The following CDH17 variants were observed in gnomAD, a reference collection of about 807,000 sequenced individuals.
The protein encoded by CDH17 is cadherin 17.
A neutral mutation model predicts 86.3 loss-of-function variants in CDH17; 67 were observed. The observed-to-expected ratio is 0.78, with a 90% CI of 0.64 to 0.95. CDH17 has a LOEUF of 0.95. Ranked by LOEUF, CDH17 falls within the 40% of genes least tolerant of loss-of-function variation. The pLI is 0.00. For missense variants in CDH17, 993 were observed against 1,017.6 expected (o/e 0.98, Z 0.33); for synonymous variants, 367 against 366.4 (o/e 1.00, Z -0.02).
At chr8:94,194,814 G>C in intron 1 of CDH17, 109 bp from the exon 2 acceptor site, 6 of 649,324 alleles carry the variant, frequency 9.2e-6, no homozygotes, top group Non-Finnish European at 1.6e-5. Context: ...CTAGTAAAAT[G>C]GTATCCCAAA....
At chr8:94,205,776 A>G (rs1368807257) in intron 1 of CDH17, among the ~76,000 whole-genome samples, 6 of 152,190 alleles carry the variant, frequency 3.9e-5, no homozygotes, top group Non-Finnish European at 8.8e-5. Flanking sequence ...ACTTTGGACA[A>G]CTTACTTGAA....
At chr8:94,140,089 C>A (rs1812608617) in intron 15 of CDH17, among the ~76,000 whole-genome samples, 1 of 152,004 alleles carries the variant, frequency 6.6e-6, no homozygotes, top group African/African-American at 2.4e-5. Context: ...CTAAATAACA[C>A]ATAATCACAA....
chr8:94,142,027 T>TGATGAAA (rs1158081428), intron 15 of CDH17, among the ~76,000 whole-genome samples: 13 of 152,194 alleles, frequency 8.5e-5, no homozygotes, highest in African/African-American at 3.1e-4. Flanking sequence ...ACAGAAAAAT[T>TGATGAAA]CAGAAATAGA....
chr8:94,195,910 G>A (rs1362253139), intron 1 of CDH17, among the ~76,000 whole-genome samples: 2 of 152,072 alleles, frequency 1.3e-5, no homozygotes, highest in African/African-American at 4.8e-5. Context: ...ACAGGCGCCT[G>A]CCACCACGCC....
At chr8:94,213,412 AC>A (rs1410191874), upstream of CDH17, among the ~76,000 whole-genome samples, 2 of 152,124 alleles carry the variant, frequency 1.3e-5, no homozygotes, top group African/African-American at 4.8e-5. Context: ...ACCATGTAGA[AC>A]CCATTTCTGC....
At chr8:94,188,813 C>T (rs1014339979) in intron 3 of CDH17, among the ~76,000 whole-genome samples, 1 of 152,148 alleles carries the variant, frequency 6.6e-6, no homozygotes, top group Non-Finnish European at 1.5e-5. Flanking sequence ...CCAGAGAAGC[C>T]GTATCTTCCA....
intron 2 of CDH17, 141 bp from the exon 3 acceptor site, chr8:94,189,426 A>G: frequency 1.6e-6 from 1 of 630,794 alleles, no homozygotes; most frequent in Admixed American, 3.3e-5. Flanking sequence ...GAAAGAGTGT[A>G]ATAGCTGTTG....
intron 1 of CDH17, among the ~76,000 whole-genome samples, chr8:94,205,850 C>T (rs1379037625): frequency 6.6e-6 from 1 of 152,058 alleles, no homozygotes; most frequent in Non-Finnish European, 1.5e-5. Flanking sequence ...ATGCTTAGAG[C>T]GCTTGAGGAA....
intron 12 of CDH17, among the ~76,000 whole-genome samples, chr8:94,153,687 T>TAC (rs1175471653): frequency 9.2e-5 from 14 of 152,164 alleles, no homozygotes; most frequent in African/African-American, 3.1e-4. Context: ...CATATATATA[T>TAC]ACACACACAC....
At chr8:94,188,909 C>G (rs1210697628) in intron 3 of CDH17, among the ~76,000 whole-genome samples, 1 of 152,122 alleles carries the variant, frequency 6.6e-6, no homozygotes, top group African/African-American at 2.4e-5. Flanking sequence ...CCTTTCTACT[C>G]TAGGGGAGAG....
At position 94,199,038 on chromosome 8, in the gene CDH17, GATATATATATATATATAT is replaced by G. The variant is rs869128612; in HGVS notation, c.-20-4351_-20-4334del. Reference sequence around the variant, plus strand: ...CTTCCTCTCAGAGCCAGTTCTGATTGATATATATATATATATATATATATATATATATATATATATATA... The same window carrying G: ...CTTCCTCTCAGAGCCAGTTCTGATTGATATATATATATATATATATATATA... On this transcript the variant is annotated intron_variant, in intron 1 of 17. Coordinates refer to ENST00000027335, the MANE Select transcript of CDH17 (RefSeq NM_004063.4). Among the ~76,000 whole-genome samples, 236 of 73,366 alleles carry G rather than the reference GATATATATATATATATAT, an allele frequency of 3.2e-3. 3 individuals carry two copies. Among genetic ancestry groups the G allele is most frequent in the African/African-American group, 7.8e-3 (115 of 14,804 alleles). The allele number at this position is 73,366 out of a possible 152,430, so 48.1% of individuals were successfully genotyped here. A position where few individuals can be genotyped will look rare whatever the true frequency, so the allele number is the denominator to read the frequency against.
At chr8:94,214,736 T>A (rs1382475655) in intron 1 of CDH17, among the ~76,000 whole-genome samples, 2 of 152,040 alleles carry the variant, frequency 1.3e-5, no homozygotes, top group Non-Finnish European at 2.9e-5. Context: ...GGAAAGAAAA[T>A]ATTTGTAAGT....
chr8:94,180,619 G>A (rs767968531), intron 3 of CDH17, among the ~76,000 whole-genome samples: 15 of 152,102 alleles, frequency 9.9e-5, no homozygotes, highest in Admixed American at 3.9e-4. Flanking sequence ...AAAAGAGGCC[G>A]GGTGCAGTGG....
upstream of CDH17, among the ~76,000 whole-genome samples, chr8:94,213,497 C>A (rs981215875): frequency 8.5e-5 from 13 of 152,198 alleles, no homozygotes; most frequent in African/African-American, 2.9e-4. Context: ...CATGAGCATG[C>A]TCATCTTCCC....
Position 94,148,775 on chromosome 8 carries a change from T to C in CDH17, c.1896A>G (p.Pro632=), listed in dbSNP as rs781625771. Residue 632 remains proline, a synonymous_variant, in exon 14 of 18, where the codon CCA becomes CCG. Transcript: ENST00000027335. ...VAPLDREAGS[P]YRVQVVATEV... ...CTGTGGCCACCACTTGTACCCGATATGGACTTCCGGCTTCTCTGTCCAATG... is the reference window on the plus strand; with the variant it reads ...CTGTGGCCACCACTTGTACCCGATACGGACTTCCGGCTTCTCTGTCCAATG... 1.9e-6 allele frequency: 3 copies of C among 1,579,538 alleles called. No individual in the cohort carries two copies. The highest frequency in any genetic ancestry group is 3.5e-5 in the Admixed American group (2 of 57,522).
chr8:94,144,160 G>A (rs886541329), intron 15 of CDH17, among the ~76,000 whole-genome samples: 2 of 152,096 alleles, frequency 1.3e-5, no homozygotes, highest in Admixed American at 6.6e-5. Context: ...TCAATATTGT[G>A]TCTCAGGCAA....
intron 3 of CDH17, among the ~76,000 whole-genome samples, chr8:94,178,779 G>A (rs1022393524): frequency 1.3e-5 from 2 of 152,072 alleles, no homozygotes; most frequent in Non-Finnish European, 2.9e-5. Flanking sequence ...AAGAAGAGTT[G>A]ATGTGTTAAA....
At chr8:94,148,541 CAAAAAAAAAAAAAAAA>C (rs59942237) in intron 14 of CDH17, among the ~76,000 whole-genome samples, 187 bp downstream of exon 14, 1 of 29,200 alleles carries the variant, frequency 3.4e-5, no homozygotes, top group Non-Finnish European at 6.8e-5. Flanking sequence ...GACTCCATCT[CAAAAAAAAAAAAAAAA>C]AAAAAAAAAA....
chr8:94,151,380 C>G (rs1812852501), intron 13 of CDH17, among the ~76,000 whole-genome samples: 1 of 152,186 alleles, frequency 6.6e-6, no homozygotes, highest in South Asian at 2.1e-4. Context: ...TGCCCTAGAT[C>G]AGCTCTTTGG....
Sources: gnomAD v4.1 joint callset for allele counts (sites outside exome capture counted in the v4.1 genomes callset) on GRCh38, gnomAD v4.1.1 for gene constraint, MANE v1.5 for transcripts, NCBI Gene and HGNC (gene_info 2026-07-23, HGNC 2026-07-21) for gene names.